Variants in POLR3H observed in about 807,000 individuals in gnomAD.
POLR3H encodes the protein DNA-directed RNA polymerase III subunit RPC8.
A neutral mutation model predicts 25.5 loss-of-function variants in POLR3H; 17 were observed. That is an observed-to-expected ratio of 0.67 (90% CI 0.46 to 1.00). The LOEUF (loss-of-function observed/expected upper bound fraction) is 1.00, where lower values mean the gene tolerates loss of function less well. Ranked by LOEUF, POLR3H falls within the 50% of genes least tolerant of loss-of-function variation. The pLI is 0.00. For synonymous variants in POLR3H, 129 were observed against 103.0 expected (o/e 1.25, Z -1.53); for missense variants, 274 against 265.0 (o/e 1.03, Z -0.24).
At chr22:41,537,232 G>C (rs901342382) in intron 2 of POLR3H, among the ~76,000 whole-genome samples, 1 of 152,218 alleles carries the variant, frequency 6.6e-6, no homozygotes, top group Non-Finnish European at 1.5e-5. Context: ...ACTCAGACTT[G>C]CTCGTTGACT....
Position 41,528,750 on chromosome 22 carries a change from AC to A in POLR3H, c.*532del. On this transcript the variant is annotated 3_prime_UTR_variant, in exon 6 of 6. Coordinates refer to ENST00000355209, the MANE Select transcript of POLR3H (RefSeq NM_001018050.4). Reference sequence around the variant, plus strand: ...ATGCTTCCTGCTCCCCGCTTAGCCCACGGAGTGACTGTGGTTGTGGTGGGGG... The same window carrying A: ...ATGCTTCCTGCTCCCCGCTTAGCCCAGGAGTGACTGTGGTTGTGGTGGGGG... 7.9e-7 allele frequency: 1 copy of A among 1,271,152 alleles called. No individual in the cohort carries two copies. The highest frequency in any genetic ancestry group is 2.6e-5 in the East Asian group (1 of 38,378). 78.7% of individuals were successfully genotyped at this position (1,271,152 alleles called of 1,614,324 possible).
intron 5 of POLR3H, chr22:41,529,784 C>G: frequency 2.3e-6 from 1 of 435,056 alleles, no homozygotes; most frequent in Non-Finnish European, 4.5e-6. Context: ...TTGAGACAGT[C>G]TCGCACTGTC....
chr22:41,531,557 A>T (rs1422566235), intron 4 of POLR3H, among the ~76,000 whole-genome samples: 1 of 152,210 alleles, frequency 6.6e-6, no homozygotes. Flanking sequence ...CCGTGGGTAC[A>T]GCTGTGACAT....
At chr22:41,543,906 G>T (rs892202948) in intron 1 of POLR3H, 85 bp downstream of exon 1, 5 of 926,652 alleles carry the variant, frequency 5.4e-6, no homozygotes, top group Non-Finnish European at 7.1e-6. Flanking sequence ...GCCAGGGCTT[G>T]GCATGACCGA....
In POLR3H at chr22:41,532,158, C is replaced by G. The variant is rs779658895; in HGVS notation, c.296-1G>C. ...ATGTCATCGAAGAAGCCTAGAGAGA[C>G]TGGAAGGAAGGAAGCAGGTGACGGC... On this transcript the variant is annotated splice_acceptor_variant, in intron 3 of 5. Coordinates refer to ENST00000355209, the MANE Select transcript of POLR3H (RefSeq NM_001018050.4). LOFTEE classifies it high-confidence loss of function. 6.2e-7 allele frequency: 1 copy of G among 1,613,936 alleles called. No individual in the cohort carries two copies. The highest frequency in any genetic ancestry group is 8.5e-7 in the Non-Finnish European group (1 of 1,179,982).
intron 1 of POLR3H, among the ~76,000 whole-genome samples, chr22:41,542,444 C>T (rs1291828309): frequency 2.6e-5 from 4 of 152,082 alleles, no homozygotes; most frequent in Non-Finnish European, 4.4e-5. Flanking sequence ...GCTCTTCTCT[C>T]CACCCAGCCC....
chr22:41,527,638 C>A lies in POLR3H; in HGVS notation c.*1645G>T. On this transcript the variant is annotated 3_prime_UTR_variant, in exon 6 of 6. Transcript: ENST00000355209. ...CTGCTTCCAGGCTTGTAGATCTGAG[C>A]CGCTGAGATCTAGGACATGTGCCAG... 1 of 809,214 alleles carries A rather than the reference C, an allele frequency of 1.2e-6. No individual in the cohort carries two copies. Among genetic ancestry groups the A allele is most frequent in the Non-Finnish European group, 1.9e-6 (1 of 527,268 alleles). The allele number at this position is 809,214 out of a possible 1,614,324, so 50.1% of individuals were successfully genotyped here. A position where few individuals can be genotyped will look rare whatever the true frequency, so the allele number is the denominator to read the frequency against.
intron 1 of POLR3H, among the ~76,000 whole-genome samples, chr22:41,541,872 G>A (rs1392328800): frequency 6.6e-6 from 1 of 152,150 alleles, no homozygotes; most frequent in Non-Finnish European, 1.5e-5. Flanking sequence ...CTCTTCTGAA[G>A]GGACCTGTCT....
chr22:41,537,772 G>T (rs1024628934), intron 2 of POLR3H, among the ~76,000 whole-genome samples: 1 of 152,100 alleles, frequency 6.6e-6, no homozygotes, highest in Non-Finnish European at 1.5e-5. Context: ...ATAAAAGCCA[G>T]CAGTAGAAAT....
At position 41,527,692 on chromosome 22, in the gene POLR3H, C is replaced by A. The variant is rs898982274; in HGVS notation, c.*1591G>T. 1 of 820,538 alleles carries A rather than the reference C, an allele frequency of 1.2e-6. No individual in the cohort carries two copies. The allele number at this position is 820,538 out of a possible 1,614,324, so 50.8% of individuals were successfully genotyped here. A position where few individuals can be genotyped will look rare whatever the true frequency, so the allele number is the denominator to read the frequency against. On this transcript the variant is annotated 3_prime_UTR_variant, in exon 6 of 6. Transcript: ENST00000355209. ...GTTCTTTCTGATCATGAATGTGCAG[C>A]AGGAAGGCCTCGCAGACCTCAGCAC...
In POLR3H at chr22:41,527,715, C is replaced by T. The variant is rs1601937799; in HGVS notation, c.*1568G>A. 1 of 956,650 alleles carries T rather than the reference C, an allele frequency of 1.0e-6. No homozygotes were observed. The highest frequency in any genetic ancestry group is 1.6e-5 in the African/African-American group (1 of 60,826). The allele number at this position is 956,650 out of a possible 1,614,324, so 59.3% of individuals were successfully genotyped here. A position where few individuals can be genotyped will look rare whatever the true frequency, so the allele number is the denominator to read the frequency against. ...AGCAGGAAGGCCTCGCAGACCTCAG[C>T]ACCAGCGCACACTTGCTAGGGGCAC... On this transcript the variant is annotated 3_prime_UTR_variant, in exon 6 of 6. Transcript: ENST00000355209.
Position 41,544,342 on chromosome 22 carries a change from G to C in POLR3H, c.-241C>G, listed in dbSNP as rs11554329. On this transcript the variant is annotated 5_prime_UTR_variant, in exon 1 of 6. Transcript: ENST00000355209. ...ACAGCTCCGGGTGCGCGCCCGCGCC[G>C]CGAGACCCCGCCACGCCACGCCACT... 1 of 402,296 alleles carries C rather than the reference G, an allele frequency of 2.5e-6. No homozygotes were observed. Among genetic ancestry groups the C allele is most frequent in the Non-Finnish European group, 4.4e-6 (1 of 226,310 alleles). The allele number at this position is 402,296 out of a possible 1,614,324, so 24.9% of individuals were successfully genotyped here.
At chr22:41,544,582 T>A (rs963362457), upstream of POLR3H, 1 of 152,950 alleles carries the variant, frequency 6.5e-6, no homozygotes, top group Non-Finnish European at 1.5e-5. Flanking sequence ...GCGCACAGCG[T>A]GGGGCAGAGA....
At chr22:41,534,044 A>G (rs886466582) in intron 2 of POLR3H, among the ~76,000 whole-genome samples, 6 of 152,232 alleles carry the variant, frequency 3.9e-5, no homozygotes, top group Admixed American at 2.6e-4. Context: ...AGGCTGAGGC[A>G]GGAGAATCAC....
At chr22:41,535,983 G>A (rs1031655055) in intron 2 of POLR3H, among the ~76,000 whole-genome samples, 7 of 151,570 alleles carry the variant, frequency 4.6e-5, no homozygotes, top group African/African-American at 1.7e-4. Flanking sequence ...TTAGAGACAG[G>A]GTTTTAGCAT....
intron 2 of POLR3H, among the ~76,000 whole-genome samples, chr22:41,535,913 T>G (rs1309115416): frequency 6.6e-6 from 1 of 151,956 alleles, no homozygotes. Flanking sequence ...GAGGTTGCAG[T>G]GAGCCGAGAC....
chr22:41,530,939 C>T, intron 4 of POLR3H, 51 bp from the exon 5 acceptor site: 1 of 1,571,508 alleles, frequency 6.4e-7, no homozygotes, highest in Non-Finnish European at 8.7e-7. Context: ...AGGGGCTTCC[C>T]TCAGCACCCA....
At chr22:41,530,253 A>AC (rs2066700398) in intron 5 of POLR3H, among the ~76,000 whole-genome samples, 1 of 152,016 alleles carries the variant, frequency 6.6e-6, no homozygotes, top group Non-Finnish European at 1.5e-5. Flanking sequence ...AGCTGGGACC[A>AC]CAGGGCACGC....
intron 2 of POLR3H, among the ~76,000 whole-genome samples, chr22:41,533,001 T>C (rs2066772198): frequency 6.6e-6 from 1 of 152,226 alleles, no homozygotes; most frequent in African/African-American, 2.4e-5. Context: ...GAGCCATCAG[T>C]GGCTCCAAAG....
Sources: gnomAD v4.1 joint callset for allele counts (sites outside exome capture counted in the v4.1 genomes callset) on GRCh38, gnomAD v4.1.1 for gene constraint, MANE v1.5 for transcripts, NCBI Gene and HGNC (gene_info 2026-07-23, HGNC 2026-07-21) for gene names.